Variants in YIPF4 observed in about 807,000 individuals in gnomAD.
The protein encoded by YIPF4 is protein YIPF4.
In YIPF4, 18 loss-of-function variants were observed where a neutral mutation model predicts 29.4. That is an observed-to-expected ratio of 0.61 (90% CI 0.42 to 0.91). YIPF4 has a LOEUF of 0.91. Among genes scored for constraint, YIPF4 ranks in the 40% least tolerant of loss-of-function variants. YIPF4 has a pLI of 0.00. For synonymous variants in YIPF4, 115 were observed against 104.7 expected, an observed-to-expected ratio of 1.10 and a Z score of -0.60; for missense variants, 279 against 282.7, an observed-to-expected ratio of 0.99 and a Z score of 0.09.
chr2:32,312,533 A>G lies in YIPF4; in HGVS notation c.*6907A>G, dbSNP rs1041479038. The G allele has an allele frequency of 7.0e-6, 1 of 143,202 alleles. No individual in the cohort carries two copies. The highest frequency in any genetic ancestry group is 1.5e-5 in the Non-Finnish European group (1 of 65,286). 8.9% of individuals were successfully genotyped at this position (143,202 alleles called of 1,614,324 possible). ...AAAAAAAAAAAATTATTTTCAAAGG[A>G]TTGTGCTAGTGGTGGCCTGAATAAT... is the stretch of plus-strand genomic sequence containing the variant. On this transcript the variant is annotated 3_prime_UTR_variant, in exon 6 of 6. Transcript: ENST00000238831.
At position 32,290,499 on chromosome 2, in the gene YIPF4, A is replaced by T; in HGVS notation, c.96A>T (p.Ile32=). ...TCTCCTAAGATCTCAGTGGTTCAAT[A>T]GCATCCCCAGATGTCAAATTAAATC... is the stretch of plus-strand genomic sequence containing the variant. ...SADAEDLSGS[I]ASPDVKLNLG... The change falls in exon 2 of 6, where the codon ATA becomes ATT. Residue 32 remains isoleucine (I), a synonymous_variant. Transcript: ENST00000238831. 1 of 1,565,830 alleles carries T rather than the reference A, an allele frequency of 6.4e-7. No individual in the cohort carries two copies. The highest frequency in any genetic ancestry group is 8.6e-7 in the Non-Finnish European group (1 of 1,157,320).
In YIPF4 at chr2:32,310,429, T is replaced by C. The variant is rs545389471; in HGVS notation, c.*4803T>C. 1.3e-5 allele frequency: 2 copies of C among 152,274 alleles called. No individual in the cohort carries two copies. Among genetic ancestry groups the C allele is most frequent in the Middle Eastern group, 3.4e-3 (1 of 294 alleles). The allele number at this position is 152,274 out of a possible 1,614,324, so 9.4% of individuals were successfully genotyped here. On this transcript the variant is annotated 3_prime_UTR_variant, in exon 6 of 6. Transcript: ENST00000238831. ...GCTGTTCCTCTATATACGAAGGGGA[T>C]TGGTACCAGAACCACTGCATACCAA...
intron 3 of YIPF4, among the ~76,000 whole-genome samples, chr2:32,295,951 A>C (rs1354242619): frequency 6.6e-6 from 1 of 152,200 alleles, no homozygotes; most frequent in Non-Finnish European, 1.5e-5. Context: ...AGGGCCCAGC[A>C]AGGTAATCCA....
intron 1 of YIPF4, among the ~76,000 whole-genome samples, chr2:32,283,721 CTT>C (rs59948957): frequency 2.1e-5 from 3 of 145,270 alleles, no homozygotes; most frequent in Non-Finnish European, 4.5e-5. Context: ...TATCTCATGT[CTT>C]TTTTTTTTTT....
intron 5 of YIPF4, among the ~76,000 whole-genome samples, chr2:32,302,854 T>G (rs577409298): frequency 2.6e-4 from 40 of 152,308 alleles, no homozygotes; most frequent in Admixed American, 9.8e-4. Context: ...GAAATAATGA[T>G]TCCTTTTAGA....
In YIPF4 at chr2:32,313,406, C is replaced by T. The variant is rs1399858222; in HGVS notation, c.*7780C>T. ...TTGTTGAGATGGAGTCTCGCTGTCT[C>T]GCTGAGGCTGGAGTGCAGTGGTGCA... On this transcript the variant is annotated 3_prime_UTR_variant, in exon 6 of 6. Transcript: ENST00000238831. 6.6e-6 allele frequency: 1 copy of T among 152,184 alleles called. No individual in the cohort carries two copies. The highest frequency in any genetic ancestry group is 1.5e-5 in the Non-Finnish European group (1 of 68,076). The allele number at this position is 152,184 out of a possible 1,614,324, so 9.4% of individuals were successfully genotyped here. A position where few individuals can be genotyped will look rare whatever the true frequency, so the allele number is the denominator to read the frequency against.
At position 32,281,121 on chromosome 2, in the gene YIPF4, A is replaced by C. The variant is rs796810568; in HGVS notation, c.79+2887A>C. ...TATTCAAACTTCTCTGTATTTCCTC[A>C]GGAGACATATAGGTCTGTATATCCA... is the stretch of plus-strand genomic sequence containing the variant. On this transcript the variant is annotated intron_variant, in intron 1 of 5. Coordinates refer to ENST00000238831, the MANE Select transcript of YIPF4 (RefSeq NM_032312.4). Among the ~76,000 whole-genome samples the C allele has an allele frequency of 9.2e-5, 14 of 152,350 alleles. 1 individual carries two copies. The highest frequency in any genetic ancestry group is 3.4e-4 in the African/African-American group (14 of 41,578).
intron 3 of YIPF4, among the ~76,000 whole-genome samples, chr2:32,294,956 ACTC>A (rs1262598227): frequency 1.3e-5 from 2 of 151,674 alleles, no homozygotes; most frequent in East Asian, 3.9e-4. Context: ...AATGGCAGGC[ACTC>A]GGCAGGCTGA....
intron 5 of YIPF4, among the ~76,000 whole-genome samples, chr2:32,303,697 AT>A (rs1473146187): frequency 6.6e-6 from 1 of 152,174 alleles, no homozygotes; most frequent in Non-Finnish European, 1.5e-5. Flanking sequence ...AAAAACCCAA[AT>A]TGTAATATTT....
chr2:32,306,350 T>C lies in YIPF4; in HGVS notation c.*724T>C, dbSNP rs2031581718. 2.0e-6 allele frequency: 2 copies of C among 985,806 alleles called. No homozygotes were observed. The highest frequency in any genetic ancestry group is 3.5e-5 in the African/African-American group (2 of 57,370). The allele number at this position is 985,806 out of a possible 1,614,324, so 61.1% of individuals were successfully genotyped here. On this transcript the variant is annotated 3_prime_UTR_variant, in exon 6 of 6. Coordinates refer to ENST00000238831, the MANE Select transcript of YIPF4 (RefSeq NM_032312.4). The stretch of plus-strand genomic sequence containing the variant: ...TTTTTGAATGTCCAAACATCTGATT[T>C]AAAGTTTCTGTTTATCTTTCTGACC...
In YIPF4 at chr2:32,308,140, C is replaced by T. The variant is rs2148969336; in HGVS notation, c.*2514C>T. ...TTGTTGTTGTTGTTTGAGACAGAGT[C>T]ACTCTGTCACCCAAGCTGGAGTGCA... is the stretch of plus-strand genomic sequence containing the variant. On this transcript the variant is annotated 3_prime_UTR_variant, in exon 6 of 6. Coordinates refer to ENST00000238831, the MANE Select transcript of YIPF4 (RefSeq NM_032312.4). The T allele has an allele frequency of 6.6e-6, 1 of 151,826 alleles. No homozygotes were observed. The highest frequency in any genetic ancestry group is 6.6e-5 in the Admixed American group (1 of 15,238). The allele number at this position is 151,826 out of a possible 1,614,324, so 9.4% of individuals were successfully genotyped here.
intron 5 of YIPF4, among the ~76,000 whole-genome samples, chr2:32,304,949 A>T (rs891747745): frequency 6.6e-6 from 1 of 152,116 alleles, no homozygotes; most frequent in Non-Finnish European, 1.5e-5. Context: ...ATTTCTGCCT[A>T]TTCCTGGGAA....
chr2:32,292,904 G>A (rs1259822639), intron 3 of YIPF4, among the ~76,000 whole-genome samples: 1 of 150,168 alleles, frequency 6.7e-6, no homozygotes, highest in Non-Finnish European at 1.5e-5. Context: ...GTATTTGTAT[G>A]GCACACTGGG....
chr2:32,316,042 C>CAAAAA lies in YIPF4; in HGVS notation c.*10427_*10431dup, dbSNP rs1024666738. On this transcript the variant is annotated 3_prime_UTR_variant, in exon 6 of 6. Coordinates refer to ENST00000238831, the MANE Select transcript of YIPF4 (RefSeq NM_032312.4). The stretch of plus-strand genomic sequence containing the variant: ...CCAAAAAGGAAAAAAAAAAAAAAAC[C>CAAAAA]AAAAAAAAAAAAAAAGTATAAAGCA... 9.6e-6 allele frequency: 1 copy of CAAAAA among 104,278 alleles called. No individual in the cohort carries two copies. Among genetic ancestry groups the CAAAAA allele is most frequent in the Non-Finnish European group, 2.1e-5 (1 of 48,228 alleles). 6.5% of individuals were successfully genotyped at this position (104,278 alleles called of 1,614,324 possible). A position where few individuals can be genotyped will look rare whatever the true frequency, so the allele number is the denominator to read the frequency against.
chr2:32,281,678 G>A (rs916692861), intron 1 of YIPF4, among the ~76,000 whole-genome samples: 5 of 151,896 alleles, frequency 3.3e-5, no homozygotes, highest in Non-Finnish European at 5.9e-5. Flanking sequence ...GCTTAAGCTC[G>A]AGAGTTTGAT....
At chr2:32,296,387 C>A (rs1345210543) in intron 3 of YIPF4, among the ~76,000 whole-genome samples, 2 of 151,368 alleles carry the variant, frequency 1.3e-5, no homozygotes, top group Non-Finnish European at 2.9e-5. Flanking sequence ...CAGAGAATTG[C>A]TTGAACCCGG....
chr2:32,279,716 C>A (rs1181467414), intron 1 of YIPF4, among the ~76,000 whole-genome samples: 2 of 151,806 alleles, frequency 1.3e-5, no homozygotes, highest in African/African-American at 4.8e-5. Context: ...GCCGAAAGAA[C>A]CTAGATTTTC....
intron 1 of YIPF4, among the ~76,000 whole-genome samples, chr2:32,280,362 T>G (rs1368126801): frequency 7.1e-6 from 1 of 140,470 alleles, no homozygotes; most frequent in Non-Finnish European, 1.5e-5. Context: ...GATCTCCTGA[T>G]CTTGTGATCC....
At chr2:32,295,397 G>T (rs1436449099) in intron 3 of YIPF4, among the ~76,000 whole-genome samples, 1 of 152,092 alleles carries the variant, frequency 6.6e-6, no homozygotes, top group East Asian at 1.9e-4. Flanking sequence ...TACGGTTCTG[G>T]ATGTCAGGAG....
Sources: allele counts gnomAD v4.1 joint callset (sites outside exome capture counted in the v4.1 genomes callset), GRCh38; gene constraint gnomAD v4.1.1; transcripts MANE v1.5; gene names NCBI Gene and HGNC (gene_info 2026-07-23, HGNC 2026-07-21).